Variants in DHRS7C observed in about 807,000 individuals in gnomAD.
The protein encoded by DHRS7C is dehydrogenase/reductase SDR family member 7C.
Under a neutral mutation model 29.6 loss-of-function variants are expected in DHRS7C, and 28 were observed. The ratio of observed to expected loss-of-function variants is 0.95; its 90% CI spans 0.70 to 1.30. The LOEUF (loss-of-function observed/expected upper bound fraction) is 1.30. DHRS7C is among the 50% of genes most tolerant of loss of function. DHRS7C has a pLI of 0.00. For missense variants in DHRS7C, 403 were observed against 393.3 expected (o/e 1.02, Z -0.21); for synonymous variants, 158 against 160.2 (o/e 0.99, Z 0.10).
Position 9,775,300 on chromosome 17 carries a change from G to C in DHRS7C, c.571+1893C>G, listed in dbSNP as rs2066355750. ...AAGGCAGGATGTGGCAAAGACTGCT[G>C]TATGTGGCCCATTCACTCTGCCCTT... is the stretch of plus-strand genomic sequence containing the variant. On this transcript the variant is annotated intron_variant, in intron 4 of 5. Transcript: ENST00000571134. This position sits in a 1 kb window ranked among gnomAD's most constrained non-coding sequence, Gnocchi z 4.2. Among the ~76,000 whole-genome samples, 1 of 152,246 alleles carries C rather than the reference G, an allele frequency of 6.6e-6. No individual in the cohort carries two copies. Among genetic ancestry groups the C allele is most frequent in the African/African-American group, 2.4e-5 (1 of 41,474 alleles).
chr17:9,775,894 T>C lies in DHRS7C; in HGVS notation c.571+1299A>G, dbSNP rs571769044. Reference sequence around the variant, plus strand: ...CTGCGTCCTACTCTAATCTGACTGGTGCTATTGTAAGAAGAGGAAATTTGG... The same window carrying C: ...CTGCGTCCTACTCTAATCTGACTGGCGCTATTGTAAGAAGAGGAAATTTGG... On this transcript the variant is annotated intron_variant, in intron 4 of 5. Coordinates refer to ENST00000571134, the MANE Select transcript of DHRS7C (RefSeq NM_001105571.3). The surrounding 1 kb of genome is among the most constrained non-coding windows in gnomAD (Gnocchi z 4.2). Among the ~76,000 whole-genome samples the C allele has an allele frequency of 1.3e-5, 2 of 152,126 alleles. No individual in the cohort carries two copies. Among genetic ancestry groups the C allele is most frequent in the Non-Finnish European group, 2.9e-5 (2 of 68,020 alleles).
In DHRS7C at chr17:9,781,631, G is replaced by C. The variant is rs746376099; in HGVS notation, c.155-37C>G. 5 of 1,598,516 alleles carry C rather than the reference G, an allele frequency of 3.1e-6. 1 individual carries two copies. The South Asian group carries it at 5.5e-5, about 18-fold the overall frequency. On this transcript the variant is annotated intron_variant, in intron 1 of 5. Transcript: ENST00000571134. Reference sequence around the variant, plus strand: ...AAGGAAACAGGGCAGGGCACACTGTGTGGATGGAGCCACTGACAGTGAACC... The same window carrying C: ...AAGGAAACAGGGCAGGGCACACTGTCTGGATGGAGCCACTGACAGTGAACC...
At chr17:9,788,041 C>T (rs1221073547) in intron 1 of DHRS7C, among the ~76,000 whole-genome samples, 3 of 151,836 alleles carry the variant, frequency 2.0e-5, no homozygotes, top group South Asian at 2.1e-4. Context: ...TTGTAAGATG[C>T]TATGGATGGA....
chr17:9,781,437 G>T lies in DHRS7C; in HGVS notation c.267+45C>A, dbSNP rs368412897. 4 of 1,569,994 alleles carry T rather than the reference G, an allele frequency of 2.5e-6. No individual in the cohort carries two copies. In the African/African-American group the frequency reaches 4.1e-5, roughly 16 times the overall value. Reference sequence around the variant, plus strand: ...TGGTCCTGAACAATCAATGGAGGCTGGGAGTTCCCAGGAGTTACCCACGCC... The same window carrying T: ...TGGTCCTGAACAATCAATGGAGGCTTGGAGTTCCCAGGAGTTACCCACGCC... On this transcript the variant is annotated intron_variant, in intron 2 of 5. Transcript: ENST00000571134.
At chr17:9,782,568 C>A (rs931072358) in intron 1 of DHRS7C, among the ~76,000 whole-genome samples, 1 of 152,176 alleles carries the variant, frequency 6.6e-6, no homozygotes, top group Admixed American at 6.5e-5. Context: ...TCTGGGGGTG[C>A]GTGCATAGGC....
At chr17:9,781,661 C>T (rs1567702369) in intron 1 of DHRS7C, 67 bp from the exon 2 acceptor site, 2 of 1,490,810 alleles carry the variant, frequency 1.3e-6, no homozygotes, top group Non-Finnish European at 1.9e-6. Flanking sequence ...TGAACCCCCT[C>T]TCTTGGGAAC....
chr17:9,775,940 G>A lies in DHRS7C; in HGVS notation c.571+1253C>T, dbSNP rs1458438611. 7.9e-5 allele frequency among the ~76,000 whole-genome samples: 12 copies of A among 152,346 alleles called. No individual in the cohort carries two copies. Among genetic ancestry groups the A allele is most frequent in the South Asian group, 6.2e-4 (3 of 4,832 alleles). On this transcript the variant is annotated intron_variant, in intron 4 of 5. Coordinates refer to ENST00000571134, the MANE Select transcript of DHRS7C (RefSeq NM_001105571.3). The surrounding 1 kb of genome is among the most constrained non-coding windows in gnomAD (Gnocchi z 4.2). ...TTTGGGGCCGGGCATGGTGGCTCACGCCTGTAATCCCAGCACTTTGGGAGG... is the reference window on the plus strand; with the variant it reads ...TTTGGGGCCGGGCATGGTGGCTCACACCTGTAATCCCAGCACTTTGGGAGG...
intron 4 of DHRS7C, among the ~76,000 whole-genome samples, chr17:9,773,656 A>G (rs2066344556): frequency 6.6e-6 from 1 of 150,994 alleles, no homozygotes; most frequent in Non-Finnish European, 1.5e-5. Flanking sequence ...GCCTTCAACC[A>G]GAACCCTTTC....
rs765438036 is a variant in DHRS7C, at chr17:9,791,261, C to T, written c.24G>A (p.Met8Ile). 1 of 1,613,686 alleles carries T rather than the reference C, an allele frequency of 6.2e-7. No homozygotes were observed. The highest frequency in any genetic ancestry group is 1.1e-5 in the South Asian group (1 of 90,958). ...TGATTCCCAGCAGCAGCAGGGGGAGCATCAGCATGGCCATGACTCCCATCT... is the reference window on the plus strand; with the variant it reads ...TGATTCCCAGCAGCAGCAGGGGGAGTATCAGCATGGCCATGACTCCCATCT... MGVMAML[M>I]LPLLLLGISG... The change falls in exon 1 of 6, where the codon ATG (methionine) becomes ATA (isoleucine). Residue 8 changes from methionine (M) to isoleucine (I), a missense_variant. Met to Ile is a conservative substitution (Grantham distance 10). Transcript: ENST00000571134.
chr17:9,789,157 C>T (rs939301255), intron 1 of DHRS7C, among the ~76,000 whole-genome samples: 1 of 152,190 alleles, frequency 6.6e-6, no homozygotes. Flanking sequence ...TACGGAAGAA[C>T]TGAGCAACCT....
chr17:9,772,027 GT>G (rs1377349517), intron 5 of DHRS7C, among the ~76,000 whole-genome samples: 10 of 152,144 alleles, frequency 6.6e-5, no homozygotes, highest in Non-Finnish European at 1.3e-4. Flanking sequence ...TGTAACTGTC[GT>G]GAAGCTGTGC....
At chr17:9,782,272 C>G (rs12603394) in intron 1 of DHRS7C, among the ~76,000 whole-genome samples, 16 of 152,314 alleles carry the variant, frequency 1.1e-4, no homozygotes, top group East Asian at 9.6e-4. Context: ...TCATTTAATA[C>G]TCACAATAAC....
intron 1 of DHRS7C, among the ~76,000 whole-genome samples, chr17:9,782,617 G>T (rs560381725): frequency 1.3e-5 from 2 of 152,340 alleles, no homozygotes; most frequent in Admixed American, 1.3e-4. Flanking sequence ...ACTGGCAGAG[G>T]ACAAGTCTTT....
chr17:9,778,319 G>C (rs950160781), intron 3 of DHRS7C, among the ~76,000 whole-genome samples: 5 of 151,674 alleles, frequency 3.3e-5, no homozygotes, highest in African/African-American at 1.2e-4. Context: ...GCTTGAACCT[G>C]GGAGGTGGAG....
chr17:9,771,539 G>C lies in DHRS7C; in HGVS notation c.885C>G (p.Ala295=). 6.3e-7 allele frequency: 1 copy of C among 1,588,420 alleles called. No homozygotes were observed. The highest frequency in any genetic ancestry group is 8.6e-7 in the Non-Finnish European group (1 of 1,165,264). The change falls in exon 6 of 6, where the codon GCC becomes GCG. Residue 295 remains alanine, a synonymous_variant. Transcript: ENST00000571134. ...TCTCCTTCACCCCACAGGCCACCAC[G>C]GCGAAAAAGAACTCCGGGAAGAAGG... is the stretch of plus-strand genomic sequence containing the variant. ...VRTFFPEFFF[A]VVACGVKEKL...
chr17:9,783,635 G>A (rs1459031846), intron 1 of DHRS7C, among the ~76,000 whole-genome samples: 1 of 152,198 alleles, frequency 6.6e-6, no homozygotes, highest in Non-Finnish European at 1.5e-5. Flanking sequence ...GTATGATAAA[G>A]TTAACATGTT....
At chr17:9,785,944 A>G (rs2066420681) in intron 1 of DHRS7C, among the ~76,000 whole-genome samples, 1 of 152,120 alleles carries the variant, frequency 6.6e-6, no homozygotes, top group South Asian at 2.1e-4. Flanking sequence ...TGGACATGTT[A>G]TCAGGTATTA....
At position 9,781,485 on chromosome 17, in the gene DHRS7C, G is replaced by C. The variant is rs775232499; in HGVS notation, c.264C>G (p.Ser88Arg). The change falls in exon 2 of 6, where the codon AGC becomes AGG. Residue 88 changes from serine to arginine, a missense_variant. Transcript: ENST00000571134. The stretch of plus-strand genomic sequence containing the variant: ...GCCTACTGCTAGAAGACCTTACCTT[G>C]CTGGGGTCAGCCACGCTGATCAAGG... ...YDALISVADPSKTFTPKLVLL... is the reference protein window; with the variant it reads ...YDALISVADPRKTFTPKLVLL... The C allele has an allele frequency of 6.2e-7, 1 of 1,613,942 alleles. No homozygotes were observed. Among genetic ancestry groups the C allele is most frequent in the East Asian group, 2.2e-5 (1 of 44,866 alleles).
Position 9,777,061 on chromosome 17 carries a change from A to T in DHRS7C, c.571+132T>A, listed in dbSNP as rs1480772338. ...AAATAGGAACCATAGGGATGAAAGAAAATCCAGCAGATGGTGTCATCCTTG... is the reference window on the plus strand; with the variant it reads ...AAATAGGAACCATAGGGATGAAAGATAATCCAGCAGATGGTGTCATCCTTG... On this transcript the variant is annotated intron_variant, in intron 4 of 5. Transcript: ENST00000571134. 38 of 719,610 alleles carry T rather than the reference A, an allele frequency of 5.3e-5. No homozygotes were observed. In the East Asian group the frequency reaches 1.1e-3, roughly 20 times the overall value. 44.6% of individuals were successfully genotyped at this position (719,610 alleles called of 1,614,324 possible). A position where few individuals can be genotyped will look rare whatever the true frequency, so the allele number is the denominator to read the frequency against.
Sources: gnomAD v4.1 joint callset for allele counts (sites outside exome capture counted in the v4.1 genomes callset) on GRCh38, gnomAD v4.1.1 for gene constraint, Gnocchi (gnomAD v3.1) non-coding constraint, MANE v1.5 for transcripts, NCBI Gene and HGNC (gene_info 2026-07-23, HGNC 2026-07-21) for gene names.